SAMD11: variants seen among roughly 807,000 people sequenced by gnomAD.
SAMD11 encodes sterile alpha motif domain-containing protein 11.
Under a neutral mutation model 64.4 loss-of-function variants are expected in SAMD11, and 77 were observed. The observed-to-expected ratio is 1.20, with a 90% CI of 0.99 to 1.44. The LOEUF is 1.44. Ranked by LOEUF, SAMD11 falls within the 40% of genes most tolerant of loss-of-function variation. The probability of loss-of-function intolerance (pLI) is 0.00; values close to 1 mark genes in which losing one functional copy is unlikely to be tolerated. For synonymous variants in SAMD11, 658 were observed against 421.9 expected (o/e 1.56, Z -6.86); for missense variants, 1,402 against 943.3 (o/e 1.49, Z -6.37).
rs1450322707 is a variant in SAMD11, at chr1:942,642, G to A, written c.1637G>A (p.Arg546His). ...CTGCTGGCGCCCGAGACCGCCCTGC[G>A]CCCCAACGACGGCGCCGAGGAGCTG... Reference protein sequence around the residue: ...PQLLAPETALRPNDGAEELQR... With the variant: ...PQLLAPETALHPNDGAEELQR... Residue 546 changes from arginine (R) to histidine (H), a missense_variant, in exon 11 of 14, where the codon CGC becomes CAC. By Grantham distance (29) the Arg-to-His change is conservative. Coordinates refer to ENST00000616016, the MANE Select transcript of SAMD11 (RefSeq NM_001385641.1). 11 of 1,438,050 alleles carry A rather than the reference G, an allele frequency of 7.6e-6. No individual in the cohort carries two copies. In the African/African-American group the frequency reaches 1.3e-4, roughly 18 times the overall value. The allele number at this position is 1,438,050 out of a possible 1,614,324, so 89.1% of individuals were successfully genotyped here.
intron 5 of SAMD11, among the ~76,000 whole-genome samples, chr1:937,882 C>T (rs1462601265): frequency 6.6e-6 from 1 of 152,236 alleles, no homozygotes; most frequent in East Asian, 1.9e-4. Context: ...CGCACTTCCC[C>T]AGCCTGATAA....
At chr1:936,898 C>T (rs1641484731) in intron 5 of SAMD11, among the ~76,000 whole-genome samples, 2 of 152,184 alleles carry the variant, frequency 1.3e-5, no homozygotes, top group Non-Finnish European at 2.9e-5. Flanking sequence ...AGCCAGCAGG[C>T]CCTCCCCTGT....
At chr1:929,260 G>A (rs931414412) in intron 2 of SAMD11, among the ~76,000 whole-genome samples, 13 of 152,322 alleles carry the variant, frequency 8.5e-5, no homozygotes, top group South Asian at 4.1e-4. Context: ...GGACCACAGC[G>A]GGCGTGTCTG....
chr1:941,696 C>T (rs948430274), intron 8 of SAMD11, among the ~76,000 whole-genome samples: 1 of 152,120 alleles, frequency 6.6e-6, no homozygotes, highest in Admixed American at 6.5e-5. Flanking sequence ...CCGGCACAGA[C>T]CCGGGTTTCT....
Position 943,029 on chromosome 1 carries a change from C to A in SAMD11, c.2024C>A (p.Pro675His). 1 of 1,530,958 alleles carries A rather than the reference C, an allele frequency of 6.5e-7. No individual in the cohort carries two copies. Among genetic ancestry groups the A allele is most frequent in the East Asian group, 2.3e-5 (1 of 43,122 alleles). The allele number at this position is 1,530,958 out of a possible 1,614,324, so 94.8% of individuals were successfully genotyped here. ...FPGSTLPLGF[P>H]YAVSPYFHTG... ...GGGTCCACACTGCCCCTGGGCTTCCCTTATGCCGTCAGCCCCTACTTCCAC... is the reference window on the plus strand; with the variant it reads ...GGGTCCACACTGCCCCTGGGCTTCCATTATGCCGTCAGCCCCTACTTCCAC... The change falls in exon 11 of 14, where the codon CCT (proline) becomes CAT (histidine). Residue 675 changes from proline to histidine, a missense_variant. Physicochemically the swap from Pro to His is moderately conservative, Grantham distance 77. Transcript: ENST00000616016.
rs761264701 is a variant in SAMD11 at position 942,155 on chromosome 1, C to T, written c.1378C>T (p.Pro460Ser). 14 of 1,392,326 alleles carry T rather than the reference C, an allele frequency of 1.0e-5. No homozygotes were observed. The South Asian group carries it at 1.7e-4, about 17-fold the overall frequency. The allele number at this position is 1,392,326 out of a possible 1,614,324, so 86.2% of individuals were successfully genotyped here. A position where few individuals can be genotyped will look rare whatever the true frequency, so the allele number is the denominator to read the frequency against. The change falls in exon 9 of 14, where the codon CCC (proline) becomes TCC (serine). Residue 460 changes from proline to serine, a missense_variant. Pro to Ser is a moderately conservative substitution (Grantham distance 74, BLOSUM62 -1). Transcript: ENST00000616016. Reference protein sequence around the residue: ...FSERELPQPPPLLSPQNAPHV... With the variant: ...FSERELPQPPSLLSPQNAPHV... ...CCACAGGGAGCTGCCTCAGCCGCCC[C>T]CCTTGCTGTCGCCGCAGAATGCCCC... is the stretch of plus-strand genomic sequence containing the variant.
chr1:942,389 C>T (rs750658764), intron 9 of SAMD11, 21 bp from the exon 10 acceptor site: 1 of 1,390,992 alleles, frequency 7.2e-7, no homozygotes, highest in South Asian at 1.4e-5. Context: ...CCCGACCCCG[C>T]GTTGTCCCCC....
Position 942,805 on chromosome 1 carries a change from C to A in SAMD11, c.1800C>A (p.Pro600=). The part of the protein sequence containing the change: ...SARRAPRKGG[P]GPASARPSES... ...GGCGAGCCCCCCGGAAGGGGGGTCC[C>A]GGCCCTGCCTCAGCGCGGCCCAGCG... is the stretch of plus-strand genomic sequence containing the variant. Residue 600 remains proline, a synonymous_variant, in exon 11 of 14, where the codon CCC becomes CCA. Transcript: ENST00000616016. The A allele has an allele frequency of 6.5e-7, 1 of 1,545,860 alleles. No homozygotes were observed. Among genetic ancestry groups the A allele is most frequent in the Admixed American group, 2.0e-5 (1 of 50,836 alleles).
Position 943,828 on chromosome 1 carries a change from G to A in SAMD11, c.2289+20G>A. 1 of 1,612,974 alleles carries A rather than the reference G, an allele frequency of 6.2e-7. No individual in the cohort carries two copies. Among genetic ancestry groups the A allele is most frequent in the South Asian group, 1.1e-5 (1 of 91,074 alleles). The stretch of plus-strand genomic sequence containing the variant: ...GCCCAGGTGAGACGCTGGGGAGTGA[G>A]GTCAGGGTCTCCAGACCACAGCTGG... On this transcript the variant is annotated intron_variant, in intron 13 of 13. Coordinates refer to ENST00000616016, the MANE Select transcript of SAMD11 (RefSeq NM_001385641.1).
chr1:941,382 C>A, intron 8 of SAMD11, 76 bp downstream of exon 8: 1 of 1,375,080 alleles, frequency 7.3e-7, no homozygotes, highest in Non-Finnish European at 9.6e-7. Flanking sequence ...CACCAGCACG[C>A]GCCCCGAGAG....
rs373345600 is a variant in SAMD11, at chr1:925,903, G to C, written c.518-19G>C. 2.2e-5 allele frequency: 35 copies of C among 1,581,124 alleles called. No homozygotes were observed. In the African/African-American group the frequency reaches 4.2e-4, roughly 19 times the overall value. ...AGCGTGCCGCTCCCTCACAGGGTCT[G>C]CCTCGGCTCTGCTCGCAGGGAAAAG... On this transcript the variant is annotated intron_variant, in intron 1 of 13. Coordinates refer to ENST00000616016, the MANE Select transcript of SAMD11 (RefSeq NM_001385641.1).
In SAMD11 at chr1:944,190, C is replaced by T. The variant is rs765459116; in HGVS notation, c.*37C>T. On this transcript the variant is annotated 3_prime_UTR_variant, in exon 14 of 14. Coordinates refer to ENST00000616016, the MANE Select transcript of SAMD11 (RefSeq NM_001385641.1). ...GTAGGGGTGGGGCCACACAAATCTC[C>T]AGGAGCCACCACTCAACACAATGGC... The T allele has an allele frequency of 8.0e-6, 12 of 1,508,404 alleles. No homozygotes were observed. Among genetic ancestry groups the T allele is most frequent in the South Asian group, 4.1e-5 (3 of 72,998 alleles). The allele number at this position is 1,508,404 out of a possible 1,614,324, so 93.4% of individuals were successfully genotyped here. A position where few individuals can be genotyped will look rare whatever the true frequency, so the allele number is the denominator to read the frequency against.
At chr1:929,470 C>G (rs895295439) in intron 2 of SAMD11, among the ~76,000 whole-genome samples, 1 of 152,212 alleles carries the variant, frequency 6.6e-6, no homozygotes, top group Non-Finnish European at 1.5e-5. Flanking sequence ...TGCCAGTGGC[C>G]TTGCACCAGG....
chr1:940,006 C>T (rs543721134), intron 7 of SAMD11, among the ~76,000 whole-genome samples: 3 of 152,256 alleles, frequency 2.0e-5, no homozygotes, highest in South Asian at 4.1e-4. Flanking sequence ...GGACCCCCTG[C>T]CCGCTGCACT....
chr1:932,864 T>G (rs1201186928), intron 4 of SAMD11, among the ~76,000 whole-genome samples: 1 of 152,218 alleles, frequency 6.6e-6, no homozygotes, highest in Non-Finnish European at 1.5e-5. Flanking sequence ...CTCGAGCCAT[T>G]GTTTGCAGGC....
At chr1:929,025 T>C (rs1641040961) in intron 2 of SAMD11, among the ~76,000 whole-genome samples, 1 of 152,218 alleles carries the variant, frequency 6.6e-6, no homozygotes, top group African/African-American at 2.4e-5. Context: ...TCAAGGGCTC[T>C]GCCACCTCCC....
At chr1:925,792 C>T (rs1222585868) in intron 1 of SAMD11, 130 bp from the exon 2 acceptor site, 9 of 669,640 alleles carry the variant, frequency 1.3e-5, no homozygotes, top group Non-Finnish European at 2.4e-5. Context: ...GCTGGGAAGT[C>T]GGGCCGAGGT....
Position 932,512 on chromosome 1 carries a change from G to A in SAMD11, c.842+1423G>A, listed in dbSNP as rs369483837. Reference sequence around the variant, plus strand: ...CCCCGGAGGAGAAGGCCCAGCACACGCCTGAGTGGACTGAAGCCTCCGCCT... The same window carrying A: ...CCCCGGAGGAGAAGGCCCAGCACACACCTGAGTGGACTGAAGCCTCCGCCT... On this transcript the variant is annotated intron_variant, in intron 4 of 13. Coordinates refer to ENST00000616016, the MANE Select transcript of SAMD11 (RefSeq NM_001385641.1). Among the ~76,000 whole-genome samples the A allele has an allele frequency of 3.4e-3, 524 of 152,332 alleles. 2 individuals carry two copies. The highest frequency in any genetic ancestry group is 6.8e-3 in the Middle Eastern group (2 of 294).
intron 2 of SAMD11, among the ~76,000 whole-genome samples, chr1:927,444 C>G (rs573322592): frequency 1.3e-5 from 2 of 152,232 alleles, no homozygotes; most frequent in African/African-American, 4.8e-5. Context: ...CAGGAGATGC[C>G]CCCCCACCTG....
Sources: allele counts gnomAD v4.1 joint callset (sites outside exome capture counted in the v4.1 genomes callset), GRCh38; gene constraint gnomAD v4.1.1; transcripts MANE v1.5; gene names NCBI Gene and HGNC (gene_info 2026-07-23, HGNC 2026-07-21).